TJP2: variants seen among roughly 807,000 people sequenced by gnomAD.
TJP2 encodes the protein Friedreich ataxia region gene X104 (tight junction protein ZO-2).
TJP2 carries 91 observed loss-of-function variants against 133.1 expected under a neutral mutation model. That is an observed-to-expected ratio of 0.68 (90% CI 0.58 to 0.81). The LOEUF (loss-of-function observed/expected upper bound fraction) is 0.81, where lower values mean the gene tolerates loss of function less well. Among genes scored for constraint, TJP2 ranks in the 40% least tolerant of loss-of-function variants. The pLI is 0.00. For missense variants in TJP2, 1,541 were observed against 1,565.6 expected (o/e 0.98, Z 0.26); for synonymous variants, 592 against 583.4 (o/e 1.01, Z -0.21).
chr9:69,248,232 G>A lies in TJP2; in HGVS notation c.2880+8G>A, dbSNP rs756700057. 67 of 1,585,324 alleles carry A rather than the reference G, an allele frequency of 4.2e-5. No homozygotes were observed. The highest frequency in any genetic ancestry group is 4.9e-5 in the Non-Finnish European group (57 of 1,164,282). ...CCGGTGCAGCACGAGGAGGTGAGGCGAGGCAGGCCACGGGCAGGAACAGGA... is the reference window on the plus strand; with the variant it reads ...CCGGTGCAGCACGAGGAGGTGAGGCAAGGCAGGCCACGGGCAGGAACAGGA... On this transcript the variant is annotated splice_region_variant and intron_variant, in intron 19 of 22. Coordinates refer to ENST00000377245, the MANE Select transcript of TJP2 (RefSeq NM_004817.4).
chr9:69,135,115 A>G (rs1822673380), intron 1 of TJP2, among the ~76,000 whole-genome samples: 2 of 152,304 alleles, frequency 1.3e-5, no homozygotes, highest in African/African-American at 4.8e-5. Flanking sequence ...AAATAGCATC[A>G]CACTGGAGGT....
chr9:69,244,101 T>C (rs1017919359), intron 17 of TJP2, among the ~76,000 whole-genome samples: 12 of 150,142 alleles, frequency 8.0e-5, no homozygotes, highest in Admixed American at 6.7e-5. Flanking sequence ...GGAGGATCAC[T>C]TAAGCCCGGG....
At chr9:69,180,871 A>T (rs1009284888) in intron 1 of TJP2, among the ~76,000 whole-genome samples, 3 of 152,128 alleles carry the variant, frequency 2.0e-5, no homozygotes, top group Admixed American at 2.0e-4. Flanking sequence ...GCTAGTATTT[A>T]TTCTAGCCCT....
intron 1 of TJP2, among the ~76,000 whole-genome samples, chr9:69,146,552 A>T (rs577855379): frequency 6.6e-6 from 1 of 152,356 alleles, no homozygotes; most frequent in South Asian, 2.1e-4. Flanking sequence ...TATTTTTATC[A>T]TATGAGCAAT....
At chr9:69,159,864 C>CAA (rs529283295) in intron 2 of TJP2, among the ~76,000 whole-genome samples, 63 of 87,774 alleles carry the variant, frequency 7.2e-4, no homozygotes, top group African/African-American at 2.1e-3. Context: ...GACTCTGTCT[C>CAA]AAAAAAAAAA....
rs191141826 is a variant in TJP2 at position 69,203,401 on chromosome 9, A to G, written c.61-9147A>G. Among the ~76,000 whole-genome samples, 592 of 151,688 alleles carry G rather than the reference A, an allele frequency of 3.9e-3. 4 individuals carry two copies. The highest frequency in any genetic ancestry group is 0.013 in the African/African-American group (533 of 41,366). ...GTGGGATCTTGGCTCACTGCAGGAG[A>G]AGTGATTCTCCTGCCTCAGTCTCCT... On this transcript the variant is annotated intron_variant, in intron 1 of 22. Coordinates refer to ENST00000377245, the MANE Select transcript of TJP2 (RefSeq NM_004817.4).
chr9:69,169,859 T>C (rs2132904064), upstream of TJP2, among the ~76,000 whole-genome samples: 1 of 152,306 alleles, frequency 6.6e-6, no homozygotes, highest in East Asian at 1.9e-4. Context: ...TCTTATTTTT[T>C]GAGACAGTGT....
chr9:69,188,414 G>A (rs890549792), intron 1 of TJP2, among the ~76,000 whole-genome samples: 1 of 152,126 alleles, frequency 6.6e-6, no homozygotes. Context: ...GGGGATTTGA[G>A]CCAAGGTCCA....
intron 1 of TJP2, among the ~76,000 whole-genome samples, chr9:69,201,008 A>C (rs1826948237): frequency 6.6e-6 from 1 of 152,166 alleles, no homozygotes; most frequent in Admixed American, 6.5e-5. Flanking sequence ...ACATGGCATA[A>C]GTACTCAGGG....
intron 1 of TJP2, among the ~76,000 whole-genome samples, chr9:69,144,655 C>T (rs546302547): frequency 1.1e-4 from 16 of 152,290 alleles, no homozygotes; most frequent in Non-Finnish European, 1.5e-4. Flanking sequence ...CAGTGGCCTC[C>T]GGCATAGCTG....
intron 1 of TJP2, among the ~76,000 whole-genome samples, chr9:69,198,319 T>C (rs776877754): frequency 3.9e-5 from 6 of 152,252 alleles, no homozygotes; most frequent in Admixed American, 6.5e-5. Flanking sequence ...TTTTTTTATT[T>C]TCAGTAGAGA....
At chr9:69,177,928 A>G (rs1825216520) in intron 1 of TJP2, among the ~76,000 whole-genome samples, 1 of 152,068 alleles carries the variant, frequency 6.6e-6, no homozygotes, top group Non-Finnish European at 1.5e-5. Context: ...TTTCCATTTG[A>G]TTAGGAAAAG....
At chr9:69,127,291 G>A (rs1209994365) in intron 1 of TJP2, among the ~76,000 whole-genome samples, 1 of 74,640 alleles carries the variant, frequency 1.3e-5, no homozygotes, top group Non-Finnish European at 3.1e-5. Flanking sequence ...GGATGGTCTC[G>A]ATCTCCTGAC....
At chr9:69,236,415 T>A (rs374985611) in intron 13 of TJP2, among the ~76,000 whole-genome samples, 177 bp downstream of exon 13, 2 of 152,148 alleles carry the variant, frequency 1.3e-5, no homozygotes, top group East Asian at 1.9e-4. Context: ...GCCAGTTTAT[T>A]GTGAGTAAAT....
At chr9:69,131,403 G>A (rs141542010) in intron 1 of TJP2, among the ~76,000 whole-genome samples, 1 of 152,336 alleles carries the variant, frequency 6.6e-6, no homozygotes, top group Non-Finnish European at 1.5e-5. Context: ...TGGCCCACTG[G>A]TGTTGGGTCC....
intron 17 of TJP2, among the ~76,000 whole-genome samples, chr9:69,243,064 A>C (rs1042441311): frequency 6.6e-6 from 1 of 152,032 alleles, no homozygotes; most frequent in Non-Finnish European, 1.5e-5. Context: ...GGGTTTACCC[A>C]TGTTGCCCAA....
chr9:69,192,218 C>CA (rs1035149976), intron 1 of TJP2, among the ~76,000 whole-genome samples: 5 of 151,488 alleles, frequency 3.3e-5, no homozygotes, highest in African/African-American at 1.2e-4. Flanking sequence ...GAGACTGAGG[C>CA]AGGAGGATTG....
intron 1 of TJP2, among the ~76,000 whole-genome samples, chr9:69,207,617 A>C (rs1827535743): frequency 6.6e-6 from 1 of 152,114 alleles, no homozygotes; most frequent in Non-Finnish European, 1.5e-5. Flanking sequence ...TTTAATTCTG[A>C]TATATGCGTG....
At chr9:69,189,673 AAAAG>A (rs1826083998) in intron 1 of TJP2, among the ~76,000 whole-genome samples, 1 of 45,714 alleles carries the variant, frequency 2.2e-5, no homozygotes, top group African/African-American at 8.2e-5. Context: ...TAAAAAAAAA[AAAAG>A]ACAAAGAAAA....
Sources: gnomAD v4.1 joint callset for allele counts (sites outside exome capture counted in the v4.1 genomes callset) on GRCh38, gnomAD v4.1.1 for gene constraint, MANE v1.5 for transcripts, NCBI Gene and HGNC (gene_info 2026-07-23, HGNC 2026-07-21) for gene names.